The following PPP1R12B variants were observed in gnomAD, a reference collection of about 807,000 sequenced individuals.
PPP1R12B encodes myosin phosphatase target subunit 2.
In PPP1R12B, 76 loss-of-function variants were observed where a neutral mutation model predicts 126.1. That is an observed-to-expected ratio of 0.60 (90% CI 0.50 to 0.73). The LOEUF (loss-of-function observed/expected upper bound fraction) is 0.73. PPP1R12B is among the 30% of genes least tolerant of loss of function. PPP1R12B has a pLI of 0.00. For missense variants in PPP1R12B, 1,052 were observed against 1,205.1 expected (o/e 0.87, Z 1.88); for synonymous variants, 356 against 434.7 (o/e 0.82, Z 2.25).
chr1:202,583,666 A>G lies in PPP1R12B; in HGVS notation c.*3106A>G, dbSNP rs959268096. On this transcript the variant is annotated 3_prime_UTR_variant, in exon 24 of 24. Transcript: ENST00000608999. ...CCAGCAGTTCTCTCTGGATACTGGC[A>G]TCAGCAGGTCTCCTTTTTCTTGTGC... 3.9e-5 allele frequency: 6 copies of G among 152,212 alleles called. No individual in the cohort carries two copies. The highest frequency in any genetic ancestry group is 7.3e-5 in the Non-Finnish European group (5 of 68,040). The allele number at this position is 152,212 out of a possible 1,614,324, so 9.4% of individuals were successfully genotyped here. A position where few individuals can be genotyped will look rare whatever the true frequency, so the allele number is the denominator to read the frequency against.
intron 1 of PPP1R12B, among the ~76,000 whole-genome samples, chr1:202,359,873 A>G (rs1339213623): frequency 6.6e-6 from 1 of 152,002 alleles, no homozygotes; most frequent in Non-Finnish European, 1.5e-5. Context: ...TCTTAAAATT[A>G]TATTTTAGTA....
intron 10 of PPP1R12B, chr1:202,438,906 C>T (rs114617290): frequency 2.0e-5 from 30 of 1,500,282 alleles, no homozygotes; most frequent in South Asian, 1.3e-4. Context: ...CCACCGCACG[C>T]GGCCCTGTGC....
intron 23 of PPP1R12B, among the ~76,000 whole-genome samples, chr1:202,579,112 C>T (rs1217978721): frequency 6.6e-6 from 1 of 152,208 alleles, no homozygotes; most frequent in East Asian, 1.9e-4. Flanking sequence ...TATAGATATT[C>T]AGTAATTTTC....
Position 202,580,595 on chromosome 1 carries a change from AGCATT to A in PPP1R12B, c.*36_*40del, listed in dbSNP as rs777423147. Reference sequence around the variant, plus strand: ...CAGATTTATGAGGAAAGAAAGGGACAGCATTTGCTGCCCCCACCCCTCTTTTCCAG... The same window carrying A: ...CAGATTTATGAGGAAAGAAAGGGACATGCTGCCCCCACCCCTCTTTTCCAG... On this transcript the variant is annotated 3_prime_UTR_variant, in exon 24 of 24. Coordinates refer to ENST00000608999, the MANE Select transcript of PPP1R12B (RefSeq NM_002481.4). The A allele has an allele frequency of 6.5e-7, 1 of 1,544,476 alleles. No homozygotes were observed. The highest frequency in any genetic ancestry group is 9.0e-7 in the Non-Finnish European group (1 of 1,116,680).
At chr1:202,366,267 C>G (rs533598801) in intron 1 of PPP1R12B, among the ~76,000 whole-genome samples, 6 of 151,392 alleles carry the variant, frequency 4.0e-5, no homozygotes, top group South Asian at 2.1e-4. Flanking sequence ...GCCTGTAATC[C>G]CAGCACTTTG....
intron 1 of PPP1R12B, among the ~76,000 whole-genome samples, chr1:202,383,628 G>A (rs1317124175): frequency 6.6e-6 from 1 of 152,084 alleles, no homozygotes; most frequent in Non-Finnish European, 1.5e-5. Flanking sequence ...GGAGGCTGAG[G>A]CACAAGGATT....
At chr1:202,566,085 G>A (rs1688020573) in intron 21 of PPP1R12B, among the ~76,000 whole-genome samples, 2 of 152,220 alleles carry the variant, frequency 1.3e-5, no homozygotes, top group Non-Finnish European at 2.9e-5. Flanking sequence ...CACAGGAAGA[G>A]CAGTTTCACC....
chr1:202,476,031 C>A (rs1321869050), intron 13 of PPP1R12B, among the ~76,000 whole-genome samples: 1 of 152,004 alleles, frequency 6.6e-6, no homozygotes, highest in Non-Finnish European at 1.5e-5. Flanking sequence ...GAAACTCCAT[C>A]TTCTCTATTA....
At chr1:202,545,107 G>A (rs1407895143) in intron 18 of PPP1R12B, among the ~76,000 whole-genome samples, 3 of 152,164 alleles carry the variant, frequency 2.0e-5, no homozygotes, top group African/African-American at 7.2e-5. Context: ...TTTATAATCC[G>A]TTGTCATGGA....
chr1:202,407,866 AC>A (rs1666830671), intron 1 of PPP1R12B, among the ~76,000 whole-genome samples: 1 of 152,132 alleles, frequency 6.6e-6, no homozygotes, highest in Non-Finnish European at 1.5e-5. Flanking sequence ...CATGGAGTCA[AC>A]CAACTGCAGA....
chr1:202,448,783 G>A (rs1672569939), intron 12 of PPP1R12B, among the ~76,000 whole-genome samples: 1 of 152,146 alleles, frequency 6.6e-6, no homozygotes. Context: ...CTCATAAAAT[G>A]TGACTCCTCA....
In PPP1R12B at chr1:202,395,599, C is replaced by T. The variant is rs145838743; in HGVS notation, c.292-21188C>T. 1.5e-3 allele frequency among the ~76,000 whole-genome samples: 235 copies of T among 152,294 alleles called. 1 individual carries two copies. Among genetic ancestry groups the T allele is most frequent in the East Asian group, 5.0e-3 (26 of 5,180 alleles). On this transcript the variant is annotated intron_variant, in intron 1 of 23. Transcript: ENST00000608999. The stretch of plus-strand genomic sequence containing the variant: ...ACACAAATGTCACCTATATCTGCTC[C>T]TCCTCTAATGCATCTGGCTTTTTGG...
intron 2 of PPP1R12B, among the ~76,000 whole-genome samples, chr1:202,420,967 C>CTTTTTTTTTTTTTTTTTTTTTTTTT (rs56164548): frequency 1.7e-5 from 2 of 118,570 alleles, no homozygotes; most frequent in Admixed American, 1.0e-4. Flanking sequence ...CCTCTGCCAA[C>CTTTTTTTTTTTTTTTTTTTTTTTTT]TTTTTTTTTT....
intron 13 of PPP1R12B, among the ~76,000 whole-genome samples, chr1:202,461,488 C>G (rs1674305348): frequency 1.3e-5 from 2 of 152,008 alleles, no homozygotes. Flanking sequence ...CAGTGAAATG[C>G]TTTTTTGACT....
chr1:202,412,818 A>G (rs1173287136), intron 1 of PPP1R12B, among the ~76,000 whole-genome samples: 1 of 152,250 alleles, frequency 6.6e-6, no homozygotes, highest in East Asian at 1.9e-4. Context: ...ACAAAAAAGA[A>G]AAATAAATAA....
At chr1:202,359,372 A>G (rs552411082) in intron 1 of PPP1R12B, among the ~76,000 whole-genome samples, 65 of 151,970 alleles carry the variant, frequency 4.3e-4, no homozygotes, top group African/African-American at 1.5e-3. Context: ...ACCTCAGGTG[A>G]TCCACCTGCC....
intron 18 of PPP1R12B, among the ~76,000 whole-genome samples, chr1:202,533,746 ACT>A (rs1684246780): frequency 6.6e-6 from 1 of 151,972 alleles, no homozygotes; most frequent in South Asian, 2.1e-4. Flanking sequence ...GCGATACTGT[ACT>A]CTTCTCATTT....
intron 20 of PPP1R12B, among the ~76,000 whole-genome samples, chr1:202,563,626 TA>T (rs56149958): frequency 0.066 from 7,896 of 120,308 alleles, 556 homozygotes; most frequent in African/African-American, 0.19. Context: ...TTGGTGTTAG[TA>T]AAAAAAAAAA....
chr1:202,583,894 G>A lies in PPP1R12B; in HGVS notation c.*3334G>A, dbSNP rs866797526. 3 of 152,136 alleles carry A rather than the reference G, an allele frequency of 2.0e-5. No individual in the cohort carries two copies. Among genetic ancestry groups the A allele is most frequent in the South Asian group, 2.1e-4 (1 of 4,828 alleles). The allele number at this position is 152,136 out of a possible 1,614,324, so 9.4% of individuals were successfully genotyped here. On this transcript the variant is annotated 3_prime_UTR_variant, in exon 24 of 24. Transcript: ENST00000608999. ...CAGAATGGGAAAGAGAATGTTCCTG[G>A]TAAAACTCTGTTTTCATTAATTTGT...
Sources: gnomAD v4.1 joint callset for allele counts (sites outside exome capture counted in the v4.1 genomes callset) on GRCh38, gnomAD v4.1.1 for gene constraint, MANE v1.5 for transcripts, NCBI Gene and HGNC (gene_info 2026-07-23, HGNC 2026-07-21) for gene names.